The following GOSR1 variants were observed in gnomAD, a reference collection of about 807,000 sequenced individuals.
The protein encoded by GOSR1 is golgi SNAP receptor complex member 1.
GOSR1 carries 21 observed loss-of-function variants against 35.5 expected under a neutral mutation model. The observed-to-expected ratio is 0.59, with a 90% CI of 0.42 to 0.85. GOSR1 has a LOEUF of 0.85. Among genes scored for constraint, GOSR1 ranks in the 40% least tolerant of loss-of-function variants. The pLI, the probability that GOSR1 is intolerant of heterozygous loss-of-function variation, is 0.00. For missense variants in GOSR1, 285 were observed against 309.6 expected (o/e 0.92, Z 0.60); for synonymous variants, 94 against 106.6 (o/e 0.88, Z 0.73).
rs370736848 is a variant in GOSR1, at chr17:30,516,469, C to CAAAAA, written c.540-3467_540-3466insAAAAA. 1.2e-4 allele frequency among the ~76,000 whole-genome samples: 13 copies of CAAAAA among 111,236 alleles called. 2 individuals carry two copies. The highest frequency in any genetic ancestry group is 1.1e-4 in the Non-Finnish European group (6 of 56,942). The allele number at this position is 111,236 out of a possible 152,430, so 73.0% of individuals were successfully genotyped here. ...TGGGTGACAGAGCAAGACTCCGTCT[C>CAAAAA]AAACAAAAAAAAAGAAAAAGAAAAA... On this transcript the variant is annotated intron_variant, in intron 7 of 8. Coordinates refer to ENST00000451249, the MANE Select transcript of GOSR1 (RefSeq NM_001007025.2).
intron 6 of GOSR1, among the ~76,000 whole-genome samples, chr17:30,504,575 A>G (rs1208962507): frequency 6.6e-6 from 1 of 152,250 alleles, no homozygotes; most frequent in African/African-American, 2.4e-5. Flanking sequence ...TCATGTAAAT[A>G]GAAAATGGTT....
At position 30,508,299 on chromosome 17, in the gene GOSR1, A is replaced by G. The variant is rs140607902; in HGVS notation, c.510-2581A>G. 3.1e-3 allele frequency among the ~76,000 whole-genome samples: 476 copies of G among 152,280 alleles called. 4 individuals are homozygous for G. Among genetic ancestry groups the G allele is most frequent in the African/African-American group, 0.011 (439 of 41,550 alleles). On this transcript the variant is annotated intron_variant, in intron 6 of 8. Transcript: ENST00000451249. Reference sequence around the variant, plus strand: ...TCATTAAGGCTGTTGGCACAAAACTAGTTTGTTGATTTGGGCAATATAAAT... The same window carrying G: ...TCATTAAGGCTGTTGGCACAAAACTGGTTTGTTGATTTGGGCAATATAAAT...
chr17:30,509,349 T>A (rs1747536449), intron 6 of GOSR1, among the ~76,000 whole-genome samples: 1 of 152,196 alleles, frequency 6.6e-6, no homozygotes, highest in Non-Finnish European at 1.5e-5. Context: ...GACCTCATGA[T>A]CCACCTGCCT....
chr17:30,487,667 C>T (rs575939375), intron 4 of GOSR1, among the ~76,000 whole-genome samples: 1 of 152,236 alleles, frequency 6.6e-6, no homozygotes, highest in African/African-American at 2.4e-5. Context: ...AAAAAGGGTA[C>T]TCATATATTG....
intron 7 of GOSR1, among the ~76,000 whole-genome samples, chr17:30,516,203 G>T (rs1967802345): frequency 6.6e-6 from 1 of 152,172 alleles, no homozygotes; most frequent in Non-Finnish European, 1.5e-5. Flanking sequence ...GGGCGCGGTG[G>T]CTCACGCCTG....
At chr17:30,510,939 G>T (rs759286019) in intron 7 of GOSR1, 30 bp downstream of exon 7, 8 of 1,406,894 alleles carry the variant, frequency 5.7e-6, no homozygotes, top group African/African-American at 4.3e-5. Flanking sequence ...TTGCTTTGTT[G>T]GTTTTTGTTT....
rs763792182 is a variant in GOSR1 at position 30,522,420 on chromosome 17, C to A, written c.*42C>A. ...ACTCTTGACAGCCACCGCTTTCACA[C>A]CCTGGTCTGGAATAAGGAAACATCG... On this transcript the variant is annotated 3_prime_UTR_variant, in exon 9 of 9. Transcript: ENST00000451249. 1.1e-5 allele frequency: 16 copies of A among 1,502,328 alleles called. No homozygotes were observed. Among genetic ancestry groups the A allele is most frequent in the African/African-American group, 2.8e-5 (2 of 71,532 alleles). The allele number at this position is 1,502,328 out of a possible 1,614,324, so 93.1% of individuals were successfully genotyped here.
chr17:30,516,523 C>G (rs1967824916), intron 7 of GOSR1, among the ~76,000 whole-genome samples: 1 of 151,682 alleles, frequency 6.6e-6, no homozygotes, highest in African/African-American at 2.4e-5. Flanking sequence ...CCCCTCCATT[C>G]TTAACCCCTG....
At chr17:30,495,978 C>T (rs1012355170) in intron 6 of GOSR1, among the ~76,000 whole-genome samples, 7 of 152,218 alleles carry the variant, frequency 4.6e-5, no homozygotes, top group African/African-American at 1.7e-4. Flanking sequence ...TCTTCAAGAA[C>T]TTTACCAAAT....
intron 8 of GOSR1, 109 bp from the exon 9 acceptor site, chr17:30,522,145 G>T: frequency 2.4e-6 from 2 of 841,854 alleles, no homozygotes; most frequent in Non-Finnish European, 3.7e-6. Context: ...TCTTCCCCAT[G>T]CCTTTCATCA....
intron 6 of GOSR1, among the ~76,000 whole-genome samples, chr17:30,499,020 C>T (rs571572602): frequency 3.3e-4 from 50 of 152,226 alleles, no homozygotes; most frequent in African/African-American, 1.1e-3. Context: ...AGTCCCCGTC[C>T]CTCAGTCCCG....
intron 6 of GOSR1, among the ~76,000 whole-genome samples, chr17:30,496,032 C>T (rs1966986711): frequency 3.3e-5 from 5 of 152,280 alleles, no homozygotes; most frequent in Middle Eastern, 3.4e-3. Context: ...TCACCTGATA[C>T]AGAGGTTCTT....
chr17:30,479,148 A>G (rs1439232768), intron 1 of GOSR1: 4 of 152,272 alleles, frequency 2.6e-5, no homozygotes, highest in African/African-American at 9.6e-5. Context: ...CTGGGCAAAT[A>G]TGCTCCACTA....
At chr17:30,517,783 T>C (rs1440511250) in intron 7 of GOSR1, among the ~76,000 whole-genome samples, 1 of 152,222 alleles carries the variant, frequency 6.6e-6, no homozygotes, top group Non-Finnish European at 1.5e-5. Context: ...TGTTTCTCTT[T>C]TGCCATCTCA....
intron 4 of GOSR1, among the ~76,000 whole-genome samples, chr17:30,488,544 T>C (rs1914827774): frequency 6.6e-6 from 1 of 151,468 alleles, no homozygotes; most frequent in African/African-American, 2.4e-5. Flanking sequence ...TTTTTTTTTT[T>C]TTTTTTTGAA....
chr17:30,493,024 C>A (rs529965961), intron 6 of GOSR1, among the ~76,000 whole-genome samples: 1 of 149,930 alleles, frequency 6.7e-6, no homozygotes, highest in South Asian at 2.1e-4. Context: ...GATGGAGTCT[C>A]GCTCCGTCAC....
chr17:30,481,260 A>G lies in GOSR1; in HGVS notation c.146+3A>G, dbSNP rs749222308. On this transcript the variant is annotated splice_donor_region_variant and intron_variant, in intron 2 of 8. Coordinates refer to ENST00000451249, the MANE Select transcript of GOSR1 (RefSeq NM_001007025.2). The stretch of plus-strand genomic sequence containing the variant: ...ACCCGAGATGGAAGACGCGACAGGT[A>G]TAGGTACTACCAGATTCTGTCTCCT... 1.2e-6 allele frequency: 2 copies of G among 1,604,734 alleles called. No homozygotes were observed. The highest frequency in any genetic ancestry group is 1.1e-5 in the South Asian group (1 of 90,854).
chr17:30,507,882 G>A (rs1040104981), intron 6 of GOSR1, among the ~76,000 whole-genome samples: 3 of 152,266 alleles, frequency 2.0e-5, no homozygotes, highest in Middle Eastern at 3.4e-3. Context: ...TGGTGAAGAC[G>A]CTGTAAACAT....
chr17:30,478,421 G>T (rs572997449), intron 1 of GOSR1: 2 of 152,236 alleles, frequency 1.3e-5, no homozygotes, highest in East Asian at 1.9e-4. Context: ...ATCCAGATTT[G>T]CCTATCATAC....
Sources: gnomAD v4.1 joint callset for allele counts (sites outside exome capture counted in the v4.1 genomes callset) on GRCh38, gnomAD v4.1.1 for gene constraint, MANE v1.5 for transcripts, NCBI Gene and HGNC (gene_info 2026-07-23, HGNC 2026-07-21) for gene names.